The following ABCA10 variants were observed in gnomAD, a reference collection of about 807,000 sequenced individuals.
The protein encoded by ABCA10 is ATP binding cassette subfamily A member 10, also known as ATP-binding cassette sub-family A member 10.
Under a neutral mutation model 187.5 loss-of-function variants are expected in ABCA10, and 169 were observed. That is an observed-to-expected ratio of 0.90 (90% CI 0.80 to 1.02). The LOEUF is 1.02. ABCA10 is among the 50% of genes least tolerant of loss of function. ABCA10 has a pLI of 0.00. For synonymous variants in ABCA10, 574 were observed against 601.8 expected, an observed-to-expected ratio of 0.95 and a Z score of 0.68; for missense variants, 1,727 against 1,812.4, an observed-to-expected ratio of 0.95 and a Z score of 0.86.
At chr17:69,175,580 C>T (rs566773871) in intron 22 of ABCA10, 67 bp from the exon 23 acceptor site, 21 of 1,230,262 alleles carry the variant, frequency 1.7e-5, no homozygotes, top group Admixed American at 2.6e-5. Context: ...TTATAAGATA[C>T]GTTTCCAGGA....
chr17:69,200,001 A>G (rs997883392), intron 10 of ABCA10, among the ~76,000 whole-genome samples: 7 of 152,234 alleles, frequency 4.6e-5, no homozygotes, highest in African/African-American at 1.7e-4. Context: ...ACTCCAGGGA[A>G]TAGAGAACTT....
chr17:69,189,382 G>C (rs2074443693), intron 18 of ABCA10, among the ~76,000 whole-genome samples: 1 of 151,250 alleles, frequency 6.6e-6, no homozygotes, highest in Non-Finnish European at 1.5e-5. Flanking sequence ...GGTTGTTTTT[G>C]GCTTACTGAT....
At chr17:69,170,436 T>TA (rs2074289613) in intron 25 of ABCA10, among the ~76,000 whole-genome samples, 1 of 56,764 alleles carries the variant, frequency 1.8e-5, no homozygotes, top group Non-Finnish European at 3.2e-5. Flanking sequence ...GTTTTACTCA[T>TA]CAAAAAAAAA....
At chr17:69,148,947 A>G in intron 38 of ABCA10, 22 bp from the exon 39 acceptor site, 1 of 1,612,914 alleles carries the variant, frequency 6.2e-7, no homozygotes, top group Non-Finnish European at 8.5e-7. Flanking sequence ...AAAATAAAAA[A>G]GATACAAAAA....
intron 1 of ABCA10, among the ~76,000 whole-genome samples, chr17:69,242,016 A>G (rs1054949514): frequency 6.6e-6 from 1 of 152,252 alleles, no homozygotes; most frequent in African/African-American, 2.4e-5. Context: ...CTAAAGAATT[A>G]GAAGATACAG....
At chr17:69,171,990 C>A (rs2074301812) in intron 25 of ABCA10, among the ~76,000 whole-genome samples, 2 of 138,978 alleles carry the variant, frequency 1.4e-5, no homozygotes, top group African/African-American at 5.3e-5. Context: ...AGACTAAAAT[C>A]CAAGTATGAA....
chr17:69,163,427 C>T, intron 27 of ABCA10, among the ~76,000 whole-genome samples: 1 of 152,102 alleles, frequency 6.6e-6, no homozygotes, highest in East Asian at 1.9e-4. Context: ...CTTTAGAATT[C>T]AATGGTCAAT....
intron 15 of ABCA10, 109 bp downstream of exon 15, chr17:69,193,001 T>C (rs926248094): frequency 2.8e-5 from 40 of 1,448,638 alleles, no homozygotes; most frequent in Non-Finnish European, 3.6e-5. Flanking sequence ...AATGGGCTTC[T>C]GCAAATAAAC....
rs542148734 is a variant in ABCA10, at chr17:69,204,788, T to C, written c.1007-3120A>G. Among the ~76,000 whole-genome samples the C allele has an allele frequency of 3.3e-5, 5 of 152,302 alleles. No homozygotes were observed. In the South Asian group the frequency reaches 1.0e-3, roughly 32 times the overall value. ...TAAAAGAATTATAAGTGTAAAAACA[T>C]TTACATATAATCTGGTCTAAAAATA... On this transcript the variant is annotated intron_variant, in intron 9 of 38. Transcript: ENST00000690296.
rs776430100 is a variant in ABCA10 at position 69,222,553 on chromosome 17, T to C, written c.179A>G (p.Lys60Arg). Residue 60 changes from lysine to arginine, a missense_variant, in exon 4 of 39, where the codon AAG becomes AGG. Transcript: ENST00000690296. ...GTTACCTGTGTATTCAGAGTGCTCC[T>C]TTATAACTGGGATTCTATATCCCCA... ...FNWGYRIPVI[K>R]EHSEYTEHCW... 5 of 1,583,382 alleles carry C rather than the reference T, an allele frequency of 3.2e-6. No homozygotes were observed. The highest frequency in any genetic ancestry group is 2.4e-5 in the South Asian group (2 of 84,792).
chr17:69,150,983 T>G (rs1010738072), intron 36 of ABCA10, among the ~76,000 whole-genome samples: 1 of 152,172 alleles, frequency 6.6e-6, no homozygotes, highest in African/African-American at 2.4e-5. Context: ...TTCATCCGAC[T>G]TCCTATCTCT....
intron 38 of ABCA10, 29 bp downstream of exon 38, chr17:69,149,004 T>TG (rs769784608): frequency 1.2e-6 from 2 of 1,613,692 alleles, no homozygotes; most frequent in Non-Finnish European, 1.7e-6. Flanking sequence ...GTCATCTGGA[T>TG]GGTGCTCACT....
intron 19 of ABCA10, among the ~76,000 whole-genome samples, chr17:69,186,709 T>G (rs1253518881): frequency 1.3e-5 from 2 of 152,170 alleles, no homozygotes; most frequent in Non-Finnish European, 2.9e-5. Flanking sequence ...ACAATTTCAG[T>G]AAGACCAACA....
intron 25 of ABCA10, among the ~76,000 whole-genome samples, chr17:69,167,411 G>A (rs1032923648): frequency 1.3e-5 from 2 of 152,186 alleles, no homozygotes; most frequent in African/African-American, 2.4e-5. Context: ...AGCTGTGAAA[G>A]CCATCAAGCA....
chr17:69,206,137 A>C (rs551196632), intron 9 of ABCA10, among the ~76,000 whole-genome samples: 1 of 150,254 alleles, frequency 6.7e-6, no homozygotes, highest in South Asian at 2.1e-4. Context: ...AAGCTTAAAA[A>C]CCCATCATCA....
chr17:69,228,435 G>A (rs1483225753), intron 1 of ABCA10, 146 bp downstream of exon 1: 1 of 151,744 alleles, frequency 6.6e-6, no homozygotes, highest in Non-Finnish European at 1.5e-5. Context: ...TAACTCACTA[G>A]TACTATAACA....
chr17:69,201,790 ATAAT>A lies in ABCA10; in HGVS notation c.1007-126_1007-123del, dbSNP rs1420459364. 3.0e-5 allele frequency: 27 copies of A among 909,306 alleles called. No individual in the cohort carries two copies. The Admixed American group carries it at 6.0e-4, about 20-fold the overall frequency. The allele number at this position is 909,306 out of a possible 1,614,324, so 56.3% of individuals were successfully genotyped here. On this transcript the variant is annotated intron_variant, in intron 9 of 38. Coordinates refer to ENST00000690296, the MANE Select transcript of ABCA10 (RefSeq NM_001377321.1). ...TTATTTATCTTGGGCATTTATATTT[ATAAT>A]TTTTTTTTTTGAGACAGTCACGCTC... is the stretch of plus-strand genomic sequence containing the variant.
intron 16 of ABCA10, among the ~76,000 whole-genome samples, chr17:69,192,120 C>T (rs957640599): frequency 3.9e-5 from 6 of 152,166 alleles, no homozygotes; most frequent in South Asian, 2.1e-4. Flanking sequence ...GTCAGGAGAT[C>T]GAGGCCATCC....
At position 69,150,045 on chromosome 17, in the gene ABCA10, C is replaced by T. The variant is rs145128382; in HGVS notation, c.4416G>A (p.Ala1472=). The change falls in exon 37 of 39, where the codon GCG becomes GCA. Residue 1472 remains alanine (A), a synonymous_variant. Transcript: ENST00000690296. ...AWQERYSSLM[A]YKLPVEDVHP... ...GGACATCCTCCACAGGTAACTTATA[C>T]GCCATTAAAGAGGAATATCTGTCAG... 149 of 1,612,506 alleles carry T rather than the reference C, an allele frequency of 9.2e-5. No individual in the cohort carries two copies. The highest frequency in any genetic ancestry group is 2.1e-4 in the African/African-American group (16 of 74,978).
Sources: gnomAD v4.1 joint callset for allele counts (sites outside exome capture counted in the v4.1 genomes callset) on GRCh38, gnomAD v4.1.1 for gene constraint, MANE v1.5 for transcripts, NCBI Gene and HGNC (gene_info 2026-07-23, HGNC 2026-07-21) for gene names.